CATSPERG: variants seen among roughly 807,000 people sequenced by gnomAD.
The protein encoded by CATSPERG is catsper channel auxiliary subunit gamma.
Under a neutral mutation model 145.0 loss-of-function variants are expected in CATSPERG, and 115 were observed. The observed-to-expected ratio is 0.79, with a 90% CI of 0.68 to 0.93. CATSPERG has a LOEUF of 0.93. Among genes scored for constraint, CATSPERG ranks in the 40% least tolerant of loss-of-function variants. The pLI is 0.00. For missense variants in CATSPERG, 1,296 were observed against 1,490.1 expected (o/e 0.87, Z 2.14); for synonymous variants, 588 against 589.0 (o/e 1.00, Z 0.02).
Position 38,367,261 on chromosome 19 carries a change from T to C in CATSPERG, c.2719T>C (p.Phe907Leu). Residue 907 changes from phenylalanine to leucine, a missense_variant, in exon 23 of 29, where the codon TTT becomes CTT. By Grantham distance (22) the Phe-to-Leu change is conservative. Transcript: ENST00000409235. ...EYSRLKNKHYFDCVNVNPEMP... is the reference protein window; with the variant it reads ...EYSRLKNKHYLDCVNVNPEMP... ...CAGCCGCCTGAAGAACAAACACTAC[T>C]TTGACTGCGTTAACGTGAACCCGGA... The C allele has an allele frequency of 1.9e-6, 3 of 1,613,804 alleles. No homozygotes were observed. Among genetic ancestry groups the C allele is most frequent in the Non-Finnish European group, 2.5e-6 (3 of 1,180,008 alleles).
At chr19:38,356,921 C>T (rs888026582) in intron 11 of CATSPERG, 60 bp downstream of exon 11, 2 of 1,595,208 alleles carry the variant, frequency 1.3e-6, no homozygotes, top group East Asian at 4.5e-5. Context: ...CTGTGGACTG[C>T]ATGCCCATCC....
At chr19:38,367,404 A>G in intron 23 of CATSPERG, 92 bp downstream of exon 23, 1 of 1,555,450 alleles carries the variant, frequency 6.4e-7, no homozygotes, top group Non-Finnish European at 8.8e-7. Flanking sequence ...CCCGCAGACT[A>G]CCCACCCTTT....
At chr19:38,366,434 G>A (rs920078622) in intron 22 of CATSPERG, 3 of 152,572 alleles carry the variant, frequency 2.0e-5, no homozygotes, top group Non-Finnish European at 4.4e-5. Context: ...GGTGGGCAAG[G>A]GGGAACGTGG....
chr19:38,360,700 C>G, intron 15 of CATSPERG, 31 bp from the exon 16 acceptor site: 1 of 1,613,968 alleles, frequency 6.2e-7, no homozygotes, highest in Non-Finnish European at 8.5e-7. Context: ...GGGCTGACCC[C>G]AGCTCACCTG....
rs1004408364 is a variant in CATSPERG at position 38,361,510 on chromosome 19, G to T, written c.1881-138G>T. On this transcript the variant is annotated intron_variant, in intron 16 of 28. Coordinates refer to ENST00000409235, the MANE Select transcript of CATSPERG (RefSeq NM_021185.5). ...GGATGTGTGCAGAGGCCTCTGGGCA[G>T]CAGGGGCTGACGCTGAGGAGGAAGA... The T allele has an allele frequency of 9.6e-5, 67 of 695,544 alleles. No individual in the cohort carries two copies. The African/African-American group carries it at 1.1e-3, about 11-fold the overall frequency. The allele number at this position is 695,544 out of a possible 1,614,324, so 43.1% of individuals were successfully genotyped here.
chr19:38,340,173 C>G (rs1969913423), intron 3 of CATSPERG, among the ~76,000 whole-genome samples: 1 of 151,836 alleles, frequency 6.6e-6, no homozygotes, highest in Non-Finnish European at 1.5e-5. Flanking sequence ...TATTCTTTCC[C>G]CGCTGAATTG....
chr19:38,353,990 CAAAAAAA>C (rs965226814), intron 8 of CATSPERG, among the ~76,000 whole-genome samples: 10 of 30,590 alleles, frequency 3.3e-4, no homozygotes, highest in Non-Finnish European at 5.4e-4. Context: ...GACTCTGTCT[CAAAAAAA>C]AAAAAAAAAA....
chr19:38,344,893 ATATATATATTTTT>A (rs1970009664), intron 6 of CATSPERG, among the ~76,000 whole-genome samples: 1 of 106,288 alleles, frequency 9.4e-6, no homozygotes, highest in Non-Finnish European at 1.9e-5. Flanking sequence ...ATATATATAT[ATATATATATTTTT>A]TTTTTTTTTT....
At chr19:38,350,839 A>G (rs1970126730) in intron 7 of CATSPERG, among the ~76,000 whole-genome samples, 2 of 152,064 alleles carry the variant, frequency 1.3e-5, no homozygotes, top group Admixed American at 1.3e-4. Context: ...AAATACAAAA[A>G]TTAGCCAGGC....
intron 7 of CATSPERG, among the ~76,000 whole-genome samples, chr19:38,346,825 G>A (rs1444949290): frequency 6.6e-6 from 1 of 152,206 alleles, no homozygotes; most frequent in Non-Finnish European, 1.5e-5. Context: ...CCTGGACCTG[G>A]CAGTTCAACG....
chr19:38,347,137 G>C (rs984986510), intron 7 of CATSPERG, among the ~76,000 whole-genome samples: 3 of 152,148 alleles, frequency 2.0e-5, no homozygotes, highest in African/African-American at 7.2e-5. Context: ...CTTGAGCCTG[G>C]GACTTTGAGG....
chr19:38,358,619 C>T (rs542929240), intron 13 of CATSPERG, 58 bp downstream of exon 13: 14 of 1,601,134 alleles, frequency 8.7e-6, no homozygotes, highest in African/African-American at 2.7e-5. Context: ...AGCAACTTTA[C>T]GGTGGGGACC....
chr19:38,348,449 A>G (rs1970077322), intron 7 of CATSPERG, among the ~76,000 whole-genome samples: 1 of 145,616 alleles, frequency 6.9e-6, no homozygotes, highest in African/African-American at 2.5e-5. Flanking sequence ...TGCCTGGCCA[A>G]TTTCCACAAA....
chr19:38,341,897 C>T (rs190726000), intron 3 of CATSPERG, among the ~76,000 whole-genome samples: 207 of 150,076 alleles, frequency 1.4e-3, no homozygotes, highest in African/African-American at 4.7e-3. Context: ...TGCAAAACTC[C>T]GTCTCGGAAA....
intron 3 of CATSPERG, among the ~76,000 whole-genome samples, chr19:38,339,595 A>G (rs1468773854): frequency 3.3e-5 from 5 of 152,036 alleles, no homozygotes. Flanking sequence ...CCTCCTGAGT[A>G]GCAGGAATTA....
intron 3 of CATSPERG, among the ~76,000 whole-genome samples, chr19:38,340,056 G>A (rs1418370405): frequency 6.6e-6 from 1 of 151,922 alleles, no homozygotes; most frequent in African/African-American, 2.4e-5. Flanking sequence ...GTTTCACCAT[G>A]TTGGCCAGGC....
At chr19:38,362,154 C>T in intron 17 of CATSPERG, 56 bp from the exon 18 acceptor site, 1 of 1,541,474 alleles carries the variant, frequency 6.5e-7, no homozygotes, top group South Asian at 1.2e-5. Flanking sequence ...TGCCGCTTGC[C>T]TGGAGGCTCT....
chr19:38,367,034 G>A (rs1970461854), intron 22 of CATSPERG, 122 bp from the exon 23 acceptor site: 3 of 878,284 alleles, frequency 3.4e-6, no homozygotes, highest in Non-Finnish European at 5.1e-6. Flanking sequence ...TTGGGGGTGA[G>A]GGAGAGCCAG....
Position 38,370,677 on chromosome 19 carries a change from G to C in CATSPERG, c.3365G>C (p.Gly1122Ala). The C allele has an allele frequency of 6.2e-7, 1 of 1,614,064 alleles. No individual in the cohort carries two copies. Among genetic ancestry groups the C allele is most frequent in the Non-Finnish European group, 8.5e-7 (1 of 1,180,022 alleles). The change falls in exon 29 of 29, where the codon GGA (glycine) becomes GCA (alanine). Residue 1122 changes from glycine (G) to alanine (A), a missense_variant. Transcript: ENST00000409235. The part of the protein sequence containing the change: ...ESYYTYASIS[G>A]ISSMPSLRHS... ...TACTACACCTACGCCTCCATTTCCG[G>C]AATCTCGAGCATGCCGTCTCTGAGA...
Sources: gnomAD v4.1 joint callset for allele counts (sites outside exome capture counted in the v4.1 genomes callset) on GRCh38, gnomAD v4.1.1 for gene constraint, MANE v1.5 for transcripts, NCBI Gene and HGNC (gene_info 2026-07-23, HGNC 2026-07-21) for gene names.